The following LVRN variants were observed in gnomAD, a reference collection of about 807,000 sequenced individuals.
LVRN encodes laeverin.
Under a neutral mutation model 111.4 loss-of-function variants are expected in LVRN, and 99 were observed. The ratio of observed to expected loss-of-function variants is 0.89; its 90% CI spans 0.76 to 1.05. The LOEUF (loss-of-function observed/expected upper bound fraction) is 1.05. Among genes scored for constraint, LVRN ranks in the 50% least tolerant of loss-of-function variants. The pLI is 0.00. For synonymous variants in LVRN, 488 were observed against 449.5 expected (o/e 1.09, Z -1.08); for missense variants, 1,414 against 1,206.8 (o/e 1.17, Z -2.54).
At chr5:115,984,437 A>G in intron 2 of LVRN, 133 bp from the exon 3 acceptor site, 3 of 1,095,808 alleles carry the variant, frequency 2.7e-6, no homozygotes, top group Non-Finnish European at 3.9e-6. Context: ...GAGTAGGTGG[A>G]GAAATCTGAA....
At chr5:115,970,719 G>A (rs1753307696) in intron 1 of LVRN, among the ~76,000 whole-genome samples, 2 of 152,028 alleles carry the variant, frequency 1.3e-5, no homozygotes, top group African/African-American at 2.4e-5. Flanking sequence ...CAGTTATTTT[G>A]TATTACTGAT....
intron 18 of LVRN, among the ~76,000 whole-genome samples, chr5:116,016,774 C>T (rs879502935): frequency 9.9e-5 from 15 of 152,098 alleles, no homozygotes; most frequent in Admixed American, 6.6e-4. Flanking sequence ...GTAAACAAAA[C>T]GTCATTTTGC....
chr5:115,999,006 G>C (rs566229996), intron 6 of LVRN, among the ~76,000 whole-genome samples: 1 of 152,214 alleles, frequency 6.6e-6, no homozygotes, highest in Non-Finnish European at 1.5e-5. Flanking sequence ...AAGATAGTCA[G>C]TAGGGACTTG....
intron 1 of LVRN, among the ~76,000 whole-genome samples, chr5:115,973,302 T>G (rs1466801810): frequency 6.6e-6 from 1 of 152,244 alleles, no homozygotes; most frequent in Admixed American, 6.5e-5. Flanking sequence ...TAGATTTGAT[T>G]TGCTCAAATT....
At position 116,001,384 on chromosome 5, in the gene LVRN, C is replaced by T. The variant is rs139928286; in HGVS notation, c.1820+145C>T. 1.1e-3 allele frequency: 1,092 copies of T among 973,060 alleles called. 5 individuals carry two copies. In the African/African-American group the frequency reaches 0.017, roughly 15 times the overall value. 60.3% of individuals were successfully genotyped at this position (973,060 alleles called of 1,614,324 possible). A position where few individuals can be genotyped will look rare whatever the true frequency, so the allele number is the denominator to read the frequency against. ...GACTGTGTACTAGGGTGAAGCAGAG[C>T]CCTTGTGTCCGGGCAACGCCAGAGA... On this transcript the variant is annotated intron_variant, in intron 10 of 19. Coordinates refer to ENST00000357872, the MANE Select transcript of LVRN (RefSeq NM_173800.5).
chr5:115,978,606 A>C (rs1396037587), intron 1 of LVRN, among the ~76,000 whole-genome samples: 1 of 152,086 alleles, frequency 6.6e-6, no homozygotes, highest in Non-Finnish European at 1.5e-5. Context: ...GTAATATTCA[A>C]ACCTTTGAAC....
chr5:115,965,725 C>A (rs1213726854), intron 1 of LVRN, among the ~76,000 whole-genome samples: 1 of 152,034 alleles, frequency 6.6e-6, no homozygotes, highest in African/African-American at 2.4e-5. Context: ...GTTTTATGAG[C>A]CTCTGGCATT....
At chr5:116,020,789 G>A (rs1456715739) in intron 18 of LVRN, among the ~76,000 whole-genome samples, 1 of 152,206 alleles carries the variant, frequency 6.6e-6, no homozygotes, top group Non-Finnish European at 1.5e-5. Flanking sequence ...GACATGAAGG[G>A]AGGGGTAATG....
Position 116,010,864 on chromosome 5 carries a change from G to A in LVRN, c.2217G>A (p.Val739=). 5 of 1,608,078 alleles carry A rather than the reference G, an allele frequency of 3.1e-6. No individual in the cohort carries two copies. Among genetic ancestry groups the A allele is most frequent in the Non-Finnish European group, 4.2e-6 (5 of 1,177,054 alleles). ...TAACCAGGGATCTTGTTTCTGAGGT[G>A]AACATCTATGATATATACTCATTAT... is the stretch of plus-strand genomic sequence containing the variant. ...NLVTRDLVSE[V]NIYDIYSLLK... Residue 739 remains valine, a synonymous_variant, in exon 14 of 20, where the codon GTG becomes GTA. Coordinates refer to ENST00000357872, the MANE Select transcript of LVRN (RefSeq NM_173800.5).
At chr5:116,021,047 A>T (rs963056408) in intron 18 of LVRN, 2 of 152,238 alleles carry the variant, frequency 1.3e-5, no homozygotes, top group Non-Finnish European at 2.9e-5. Flanking sequence ...CTCTGTTTCA[A>T]AAATAACCCC....
In LVRN at chr5:115,971,322, G is replaced by A. The variant is rs6895367; in HGVS notation, c.695+8010G>A. ...TAATAGTGTCTTTCAAAGAGCAGAA[G>A]TTTTACATTTTAATGAAGTTCAGTT... On this transcript the variant is annotated intron_variant, in intron 1 of 19. Coordinates refer to ENST00000357872, the MANE Select transcript of LVRN (RefSeq NM_173800.5). 8.4e-3 allele frequency among the ~76,000 whole-genome samples: 1,278 copies of A among 152,218 alleles called. 18 individuals are homozygous for A. Among genetic ancestry groups the A allele is most frequent in the African/African-American group, 0.029 (1,223 of 41,552 alleles).
chr5:116,026,571 A>G lies in LVRN; in HGVS notation c.*453A>G, dbSNP rs373704215. On this transcript the variant is annotated 3_prime_UTR_variant, in exon 20 of 20. Transcript: ENST00000357872. ...AGACTAATGAGAAGATAACATGACAATATAAAAAGACAGAAACTCAAAAAG... is the reference window on the plus strand; with the variant it reads ...AGACTAATGAGAAGATAACATGACAGTATAAAAAGACAGAAACTCAAAAAG... The G allele has an allele frequency of 9.0e-4, 161 of 178,164 alleles. No homozygotes were observed. The highest frequency in any genetic ancestry group is 3.5e-3 in the African/African-American group (148 of 41,726). The allele number at this position is 178,164 out of a possible 1,614,324, so 11.0% of individuals were successfully genotyped here.
chr5:115,983,666 C>T (rs527907054), intron 2 of LVRN, among the ~76,000 whole-genome samples: 58 of 152,296 alleles, frequency 3.8e-4, no homozygotes, highest in African/African-American at 1.3e-3. Flanking sequence ...AATGGGCAGT[C>T]TGCCTGCCAC....
chr5:115,982,160 T>C (rs55957805), intron 1 of LVRN, among the ~76,000 whole-genome samples: 5,010 of 152,300 alleles, frequency 0.033, 140 homozygotes, highest in Middle Eastern at 0.065. Flanking sequence ...ATTGTTTTTG[T>C]CAATACAATG....
At chr5:116,011,923 C>T (rs188482121) in intron 14 of LVRN, among the ~76,000 whole-genome samples, 93 of 152,126 alleles carry the variant, frequency 6.1e-4, no homozygotes, top group Non-Finnish European at 1.0e-3. Flanking sequence ...TTCAGTGTGT[C>T]CAGGACATAA....
At chr5:115,985,241 G>A (rs994841947) in intron 3 of LVRN, among the ~76,000 whole-genome samples, 8 of 152,070 alleles carry the variant, frequency 5.3e-5, no homozygotes, top group African/African-American at 1.2e-4. Context: ...TAAACAAAGC[G>A]ACCCCCAAAT....
At chr5:115,987,144 T>C (rs937130366) in intron 3 of LVRN, among the ~76,000 whole-genome samples, 1 of 152,098 alleles carries the variant, frequency 6.6e-6, no homozygotes, top group African/African-American at 2.4e-5. Flanking sequence ...ACACAAACAA[T>C]AGTGTGGTCA....
rs779665469 is a variant in LVRN, at chr5:116,001,153, G to T, written c.1734G>T (p.Val578=). The T allele has an allele frequency of 1.2e-6, 2 of 1,613,752 alleles. No homozygotes were observed. The highest frequency in any genetic ancestry group is 3.3e-5 in the Admixed American group (2 of 59,924). The change falls in exon 10 of 20, where the codon GTG becomes GTT. Residue 578 remains valine, a synonymous_variant. Transcript: ENST00000357872. ...GGACACACCAGAGTGGTTTTCCAGT[G>T]ATCACTTTAAATGTGTCTACTGGCG... ...DSWTHQSGFP[V]ITLNVSTGVM...
At position 116,001,068 on chromosome 5, in the gene LVRN, C is replaced by A. The variant is rs373015764; in HGVS notation, c.1649C>A (p.Ala550Asp). The A allele has an allele frequency of 6.3e-7, 1 of 1,598,340 alleles. No homozygotes were observed. Among genetic ancestry groups the A allele is most frequent in the Admixed American group, 1.8e-5 (1 of 54,540 alleles). ...CTTTGTGGTGATTTTTTAAAACAGGCCATAGATGACCAGAGTACAGTTATT... is the reference window on the plus strand; with the variant it reads ...CTTTGTGGTGATTTTTTAAAACAGGACATAGATGACCAGAGTACAGTTATT... ...QDDLWRHFQM[A>D]IDDQSTVILP... is the part of the protein sequence containing the mutation. The change falls in exon 10 of 20, where the codon GCC (alanine) becomes GAC (aspartate). Residue 550 changes from alanine to aspartate, a missense_variant and splice_region_variant. By Grantham distance (126) the Ala-to-Asp change is moderately radical (BLOSUM62 -2). Transcript: ENST00000357872.
Sources: allele counts gnomAD v4.1 joint callset (sites outside exome capture counted in the v4.1 genomes callset), GRCh38; gene constraint gnomAD v4.1.1; transcripts MANE v1.5; gene names NCBI Gene and HGNC (gene_info 2026-07-23, HGNC 2026-07-21).